CENPP: variants seen among roughly 807,000 people sequenced by gnomAD.
CENPP encodes the protein centromere protein P.
A neutral mutation model predicts 35.6 loss-of-function variants in CENPP; 24 were observed. That is an observed-to-expected ratio of 0.67 (90% CI 0.49 to 0.95). The LOEUF (loss-of-function observed/expected upper bound fraction) is 0.95, where lower values mean the gene tolerates loss of function less well. CENPP is among the 40% of genes least tolerant of loss of function. The probability of loss-of-function intolerance (pLI) is 0.00; values close to 1 mark genes in which losing one functional copy is unlikely to be tolerated. For missense variants in CENPP, 332 were observed against 345.3 expected (o/e 0.96, Z 0.31); for synonymous variants, 120 against 125.5 (o/e 0.96, Z 0.29).
At chr9:92,502,424 C>G in intron 5 of CENPP, 1 of 1,496,018 alleles carries the variant, frequency 6.7e-7, no homozygotes, top group East Asian at 2.3e-5. Context: ...ACCTCCCTCA[C>G]TTATCCCATT....
intron 5 of CENPP, among the ~76,000 whole-genome samples, chr9:92,518,592 A>C (rs1457204856): frequency 6.6e-6 from 1 of 152,088 alleles, no homozygotes; most frequent in Admixed American, 6.6e-5. Context: ...TATAATATTC[A>C]CCCTTTTGAA....
chr9:92,494,740 C>G (rs1190910532), intron 5 of CENPP, among the ~76,000 whole-genome samples: 1 of 152,040 alleles, frequency 6.6e-6, no homozygotes, highest in East Asian at 1.9e-4. Flanking sequence ...AACCCCATCT[C>G]TATTAAAAAT....
At chr9:92,345,176 C>A (rs1331503139) in intron 3 of CENPP, among the ~76,000 whole-genome samples, 1 of 152,050 alleles carries the variant, frequency 6.6e-6, no homozygotes, top group Admixed American at 6.5e-5. Context: ...TGGCGTGAAC[C>A]CGGGAGGCGG....
chr9:92,347,085 G>T (rs1841314212), intron 4 of CENPP, among the ~76,000 whole-genome samples: 1 of 152,154 alleles, frequency 6.6e-6, no homozygotes, highest in Non-Finnish European at 1.5e-5. Context: ...GAATGAGTTT[G>T]CCTATGAAGG....
intron 5 of CENPP, among the ~76,000 whole-genome samples, chr9:92,606,255 C>T (rs1851078305): frequency 6.6e-6 from 1 of 152,052 alleles, no homozygotes; most frequent in Non-Finnish European, 1.5e-5. Context: ...GAGTAAGATT[C>T]TGTCTTAAAA....
intron 5 of CENPP, among the ~76,000 whole-genome samples, chr9:92,429,574 G>A (rs1844051576): frequency 6.6e-6 from 1 of 152,110 alleles, no homozygotes; most frequent in South Asian, 2.1e-4. Flanking sequence ...ATTACCTGAG[G>A]TCAGGAGTTC....
intron 5 of CENPP, among the ~76,000 whole-genome samples, chr9:92,470,032 T>G (rs979698094): frequency 4.6e-5 from 7 of 152,230 alleles, no homozygotes; most frequent in Non-Finnish European, 1.0e-4. Flanking sequence ...TCTTGTTGTG[T>G]TGCCCAGGCT....
chr9:92,392,611 T>A (rs1390310110), intron 5 of CENPP, among the ~76,000 whole-genome samples: 5 of 149,884 alleles, frequency 3.3e-5, no homozygotes, highest in Non-Finnish European at 3.0e-5. Context: ...CAAGACTCCA[T>A]GTCGGGTTGG....
chr9:92,508,739 T>TTA (rs1847158222), intron 5 of CENPP, among the ~76,000 whole-genome samples: 1 of 152,218 alleles, frequency 6.6e-6, no homozygotes, highest in African/African-American at 2.4e-5. Flanking sequence ...GCAATTCTCA[T>TTA]TATTATTGTT....
chr9:92,447,960 G>A (rs1844594526), intron 5 of CENPP, among the ~76,000 whole-genome samples: 1 of 152,176 alleles, frequency 6.6e-6, no homozygotes, highest in Non-Finnish European at 1.5e-5. Flanking sequence ...AATGAGGTAA[G>A]TGTTTGAGAT....
intron 4 of CENPP, among the ~76,000 whole-genome samples, chr9:92,373,645 A>G (rs76589117): frequency 0.036 from 5,415 of 152,066 alleles, 132 homozygotes; most frequent in South Asian, 0.086. Flanking sequence ...GGCCAACATG[A>G]TGAAACACCG....
intron 5 of CENPP, among the ~76,000 whole-genome samples, chr9:92,546,386 C>G (rs1255378178): frequency 6.6e-6 from 1 of 152,176 alleles, no homozygotes; most frequent in African/African-American, 2.4e-5. Context: ...ATAAATCTTG[C>G]TGCTGCTCAC....
chr9:92,528,959 C>A (rs1848579937), intron 5 of CENPP, among the ~76,000 whole-genome samples: 2 of 152,106 alleles, frequency 1.3e-5, no homozygotes, highest in African/African-American at 4.8e-5. Context: ...ATCATTATAC[C>A]TATATTCTAT....
intron 5 of CENPP, among the ~76,000 whole-genome samples, chr9:92,569,755 T>A (rs1052621814): frequency 3.3e-5 from 5 of 152,212 alleles, no homozygotes; most frequent in Admixed American, 1.3e-4. Flanking sequence ...TTTTATTTCG[T>A]TGAGCAGTGG....
At chr9:92,379,893 T>C (rs1842207302) in intron 5 of CENPP, 34 bp downstream of exon 5, 1 of 1,315,882 alleles carries the variant, frequency 7.6e-7, no homozygotes, top group Non-Finnish European at 1.1e-6. Context: ...TAAACATATA[T>C]GGAAAACAAA....
At chr9:92,567,377 T>TATAGATATATATATATATATATAG (rs1401492838) in intron 5 of CENPP, among the ~76,000 whole-genome samples, 42 of 87,528 alleles carry the variant, frequency 4.8e-4, no homozygotes, top group African/African-American at 2.5e-3. Flanking sequence ...AAGATAGATA[T>TATAGATATATATATATATATATAG]ATATATATAT....
intron 5 of CENPP, chr9:92,517,122 C>T (rs1025167036): frequency 6.4e-6 from 1 of 156,176 alleles, no homozygotes; most frequent in African/African-American, 2.4e-5. Flanking sequence ...TGATCTCCTG[C>T]ACACAGAAGT....
intron 5 of CENPP, chr9:92,539,213 T>TA (rs1287261263): frequency 1.3e-5 from 2 of 152,136 alleles, no homozygotes; most frequent in African/African-American, 4.8e-5. Flanking sequence ...AATGGCTGAG[T>TA]AAAGCATTAG....
chr9:92,573,238 C>T (rs986303169), intron 5 of CENPP, among the ~76,000 whole-genome samples: 8 of 152,142 alleles, frequency 5.3e-5, no homozygotes, highest in African/African-American at 1.2e-4. Context: ...GTTTTATCCA[C>T]CTTTGGTCTT....
Sources: gnomAD v4.1 joint callset for allele counts (sites outside exome capture counted in the v4.1 genomes callset) on GRCh38, gnomAD v4.1.1 for gene constraint, MANE v1.5 for transcripts, NCBI Gene and HGNC (gene_info 2026-07-23, HGNC 2026-07-21) for gene names.